Variants in RPS6KA3 observed in about 807,000 individuals in gnomAD.
The protein encoded by RPS6KA3 is ribosomal protein S6 kinase alpha-3.
In RPS6KA3, 4 loss-of-function variants were observed where a neutral mutation model predicts 67.2. The observed-to-expected ratio is 0.06, with a 90% CI of 0.03 to 0.14. The LOEUF is 0.14. Among genes scored for constraint, RPS6KA3 ranks in the 10% least tolerant of loss-of-function variants. The probability of loss-of-function intolerance (pLI) is 1.00; values close to 1 mark genes in which losing one functional copy is unlikely to be tolerated. For synonymous variants in RPS6KA3, 182 were observed against 183.7 expected, an observed-to-expected ratio of 0.99 and a Z score of 0.07; for missense variants, 204 against 559.0, an observed-to-expected ratio of 0.36 and a Z score of 6.40.
chrX:20,254,210 T>C (rs2069968211), intron 1 of RPS6KA3, among the ~76,000 whole-genome samples: 1 of 112,259 alleles, frequency 8.9e-6, no homozygotes, highest in Non-Finnish European at 1.9e-5. Context: ...TGTTGACTTA[T>C]ATTTAATTTC....
At chrX:20,158,124 G>A (rs1349762734) in intron 20 of RPS6KA3, among the ~76,000 whole-genome samples, 1 of 109,553 alleles carries the variant, frequency 9.1e-6, no homozygotes, top group Non-Finnish European at 1.9e-5. Flanking sequence ...GAGAAATTTG[G>A]GAGGCCAAAG....
chrX:20,245,541 C>G (rs946978113), intron 1 of RPS6KA3, among the ~76,000 whole-genome samples: 11 of 111,891 alleles, frequency 9.8e-5, no homozygotes, highest in Non-Finnish European at 1.9e-4. Flanking sequence ...TTTCCACAAT[C>G]TGATCTATTA....
chrX:20,247,603 G>A lies in RPS6KA3; in HGVS notation c.70-12789C>T, dbSNP rs1287309572. Among the ~76,000 whole-genome samples, 4 of 109,849 alleles carry A rather than the reference G, an allele frequency of 3.6e-5. No individual in the cohort carries two copies. In the East Asian group the frequency reaches 8.6e-4, roughly 24 times the overall value. On this transcript the variant is annotated intron_variant, in intron 1 of 21. Coordinates refer to ENST00000379565, the MANE Select transcript of RPS6KA3 (RefSeq NM_004586.3). ...AGATCGAGACCATCCTGGCTAACAC[G>A]GTGAAACCCCGTCTCTACTAAAAAC...
At chrX:20,191,521 C>G (rs1272412215) in intron 7 of RPS6KA3, among the ~76,000 whole-genome samples, 1 of 111,576 alleles carries the variant, frequency 9.0e-6, no homozygotes, top group Non-Finnish European at 1.9e-5. Context: ...TCCACATCCT[C>G]TCCAGCATCT....
At chrX:20,251,301 A>G (rs903030104) in intron 1 of RPS6KA3, among the ~76,000 whole-genome samples, 24 of 111,790 alleles carry the variant, frequency 2.1e-4, no homozygotes, top group Non-Finnish European at 1.9e-4. Context: ...CTGGCTATTT[A>G]TTTTTATTAT....
chrX:20,257,018 T>C (rs902165722), intron 1 of RPS6KA3, among the ~76,000 whole-genome samples: 4 of 112,418 alleles, frequency 3.6e-5, no homozygotes, highest in Non-Finnish European at 7.5e-5. Context: ...GAATTTGCAA[T>C]CTGTGAGACT....
intron 1 of RPS6KA3, among the ~76,000 whole-genome samples, chrX:20,245,560 G>A (rs148624783): frequency 8.9e-6 from 1 of 111,781 alleles, no homozygotes; most frequent in Non-Finnish European, 1.9e-5. Flanking sequence ...TATTTTACTA[G>A]AGAAAATTAG....
At chrX:20,160,724 C>T (rs765758863) in intron 20 of RPS6KA3, among the ~76,000 whole-genome samples, 63 of 111,866 alleles carry the variant, frequency 5.6e-4, no homozygotes, top group African/African-American at 1.9e-3. Flanking sequence ...CCACCACGCC[C>T]GGCCAACATT....
intron 10 of RPS6KA3, among the ~76,000 whole-genome samples, chrX:20,180,496 A>C: frequency 8.9e-6 from 1 of 112,332 alleles, no homozygotes; most frequent in Admixed American, 9.5e-5. Context: ...AGTTGGTTTA[A>C]AATCCATTGA....
At chrX:20,246,633 G>C (rs768320876) in intron 1 of RPS6KA3, among the ~76,000 whole-genome samples, 1 of 111,803 alleles carries the variant, frequency 8.9e-6, no homozygotes, top group South Asian at 3.7e-4. Flanking sequence ...TTTATTTGCT[G>C]TGACTGTGGC....
intron 2 of RPS6KA3, among the ~76,000 whole-genome samples, chrX:20,213,096 C>T (rs986957471): frequency 1.6e-4 from 18 of 111,891 alleles, no homozygotes; most frequent in African/African-American, 5.5e-4. Flanking sequence ...ACAATATGGC[C>T]TCAACCTACT....
rs143870001 is a variant in RPS6KA3, at chrX:20,176,838, C to T, written c.934+158G>A. Among the ~76,000 whole-genome samples, 33 of 111,944 alleles carry T rather than the reference C, an allele frequency of 2.9e-4. No individual in the cohort carries two copies. The East Asian group carries it at 7.3e-3, about 25-fold the overall frequency. ...AACTCCTGGACTCAAGTAATTCTCC[C>T]GCCTTGGTCTCCCAAAGTGCTGGGA... On this transcript the variant is annotated intron_variant, in intron 11 of 21. Coordinates refer to ENST00000379565, the MANE Select transcript of RPS6KA3 (RefSeq NM_004586.3).
rs143351107 is a variant in RPS6KA3, at chrX:20,206,324, G to A, written c.244-2221C>T. 7.1e-5 allele frequency among the ~76,000 whole-genome samples: 8 copies of A among 112,278 alleles called. No homozygotes were observed. The East Asian group carries it at 1.9e-3, about 27-fold the overall frequency. ...TGATATTTAAATTACTTTTAAAGAC[G>A]TAAAGGGAGAAGCATGCTAATTCCA... On this transcript the variant is annotated intron_variant, in intron 3 of 21. Transcript: ENST00000379565.
chrX:20,166,049 G>A (rs1038593414), intron 17 of RPS6KA3, among the ~76,000 whole-genome samples: 3 of 112,214 alleles, frequency 2.7e-5, no homozygotes, highest in Non-Finnish European at 3.8e-5. Flanking sequence ...TGTAATAAAA[G>A]TTATATGAAT....
At chrX:20,175,316 G>C (rs769370880) in intron 13 of RPS6KA3, 28 bp from the exon 14 acceptor site, 56 of 1,201,017 alleles carry the variant, frequency 4.7e-5, no homozygotes, top group Non-Finnish European at 6.3e-5. Context: ...TGACAAAGAA[G>C]ATTCATTTGA....
At chrX:20,212,651 A>T (rs1232871420) in intron 2 of RPS6KA3, among the ~76,000 whole-genome samples, 2 of 110,527 alleles carry the variant, frequency 1.8e-5, no homozygotes, top group African/African-American at 6.6e-5. Context: ...AGATGTGAGG[A>T]TCGCTTGAGC....
In RPS6KA3 at chrX:20,187,580, C is replaced by G. The variant is rs181536462; in HGVS notation, c.774+248G>C. 2.7e-5 allele frequency among the ~76,000 whole-genome samples: 3 copies of G among 111,822 alleles called. No individual in the cohort carries two copies. In the East Asian group the frequency reaches 8.4e-4, roughly 31 times the overall value. ...TCCAAAAGACCAAACACCATTAATG[C>G]TTTAGATTGTTACTATTAGCAGGAA... is the stretch of plus-strand genomic sequence containing the variant. On this transcript the variant is annotated intron_variant, in intron 9 of 21. Transcript: ENST00000379565.
intron 7 of RPS6KA3, among the ~76,000 whole-genome samples, chrX:20,192,592 C>CTTTTT (rs1159974637): frequency 4.8e-4 from 22 of 45,385 alleles, no homozygotes; most frequent in Non-Finnish European, 7.9e-4. Flanking sequence ...TGTAAATTTT[C>CTTTTT]TTTTTTTTTT....
At chrX:20,255,474 T>C (rs1376546051) in intron 1 of RPS6KA3, among the ~76,000 whole-genome samples, 1 of 111,670 alleles carries the variant, frequency 9.0e-6, no homozygotes, top group Non-Finnish European at 1.9e-5. Context: ...AATTTTATAG[T>C]ATGTAAATAT....
Sources: gnomAD v4.1 joint callset for allele counts (sites outside exome capture counted in the v4.1 genomes callset) on GRCh38, gnomAD v4.1.1 for gene constraint, MANE v1.5 for transcripts, NCBI Gene and HGNC (gene_info 2026-07-23, HGNC 2026-07-21) for gene names.